Variants in SMARCC1 observed in about 807,000 individuals in gnomAD.
The protein encoded by SMARCC1 is SWI/SNF related BAF chromatin remodeling complex subunit C1.
A neutral mutation model predicts 147.4 loss-of-function variants in SMARCC1; 43 were observed. The ratio of observed to expected loss-of-function variants is 0.29; its 90% CI spans 0.23 to 0.38. The LOEUF is 0.38. Among genes scored for constraint, SMARCC1 ranks in the 10% least tolerant of loss-of-function variants. SMARCC1 has a pLI of 1.00. For synonymous variants in SMARCC1, 495 were observed against 484.4 expected (o/e 1.02, Z -0.29); for missense variants, 1,119 against 1,381.1 (o/e 0.81, Z 3.01).
chr3:47,602,518 G>C (rs920629271), intron 26 of SMARCC1, among the ~76,000 whole-genome samples: 1 of 151,950 alleles, frequency 6.6e-6, no homozygotes, highest in Non-Finnish European at 1.5e-5. Flanking sequence ...GGTTGGTCTC[G>C]AACTCCTGAG....
At chr3:47,780,823 G>A (rs2035037756) in intron 1 of SMARCC1, among the ~76,000 whole-genome samples, 1 of 150,680 alleles carries the variant, frequency 6.6e-6, no homozygotes, top group Non-Finnish European at 1.5e-5. Context: ...ACACAAAAGG[G>A]AAGTTGGAAA....
At chr3:47,601,520 G>A (rs767667825) in intron 26 of SMARCC1, among the ~76,000 whole-genome samples, 1 of 152,024 alleles carries the variant, frequency 6.6e-6, no homozygotes, top group Admixed American at 6.5e-5. Context: ...CAGCTTCCTG[G>A]GGATGCCTGT....
At chr3:47,691,203 A>G (rs1318146324) in intron 12 of SMARCC1, among the ~76,000 whole-genome samples, 2 of 152,142 alleles carry the variant, frequency 1.3e-5, no homozygotes, top group African/African-American at 2.4e-5. Flanking sequence ...TCCTCCTTTC[A>G]GATGTGAGAA....
chr3:47,658,031 G>A (rs1362601784), intron 21 of SMARCC1, among the ~76,000 whole-genome samples: 1 of 151,888 alleles, frequency 6.6e-6, no homozygotes, highest in Admixed American at 6.6e-5. Context: ...ATGACGATTA[G>A]AGTGGAGAGA....
At chr3:47,725,872 G>A in intron 6 of SMARCC1, among the ~76,000 whole-genome samples, 1 of 144,150 alleles carries the variant, frequency 6.9e-6, no homozygotes, top group Non-Finnish European at 1.5e-5. Flanking sequence ...GACGAGCCTG[G>A]CCAACATGGT....
At chr3:47,604,146 G>GT (rs1559623590) in intron 26 of SMARCC1, 3 of 456,706 alleles carry the variant, frequency 6.6e-6, no homozygotes, top group South Asian at 4.6e-5. Context: ...CTAGAAGTCC[G>GT]TAAGTGTTTA....
At chr3:47,589,536 T>C (rs1285610729) in intron 27 of SMARCC1, among the ~76,000 whole-genome samples, 3 of 152,164 alleles carry the variant, frequency 2.0e-5, no homozygotes, top group Non-Finnish European at 4.4e-5. Flanking sequence ...GAAAAAGAGG[T>C]ACCTACTGTA....
At chr3:47,608,825 G>A (rs1475972829) in intron 26 of SMARCC1, among the ~76,000 whole-genome samples, 1 of 119,980 alleles carries the variant, frequency 8.3e-6, no homozygotes, top group Non-Finnish European at 1.6e-5. Context: ...CTCCAGCCTA[G>A]ACAACAGAGC....
At chr3:47,655,892 A>G (rs2033254653) in intron 21 of SMARCC1, among the ~76,000 whole-genome samples, 1 of 152,116 alleles carries the variant, frequency 6.6e-6, no homozygotes, top group African/African-American at 2.4e-5. Flanking sequence ...CAATGTAAAA[A>G]ATGCTGGGAA....
At position 47,635,084 on chromosome 3, in the gene SMARCC1, C is replaced by T. The variant is rs147979897; in HGVS notation, c.2646+106G>A. On this transcript the variant is annotated intron_variant, in intron 24 of 27. Transcript: ENST00000254480. ...AGAAATGCCATTCAAGCAGTCATCT[C>T]CTATTGGGAGCAAAGCTCTTTATAC... is the stretch of plus-strand genomic sequence containing the variant. The T allele has an allele frequency of 3.1e-5, 29 of 949,428 alleles. No homozygotes were observed. In the African/African-American group the frequency reaches 4.4e-4, roughly 14 times the overall value. The allele number at this position is 949,428 out of a possible 1,614,324, so 58.8% of individuals were successfully genotyped here.
intron 1 of SMARCC1, among the ~76,000 whole-genome samples, chr3:47,774,200 A>G (rs1017226570): frequency 6.6e-6 from 1 of 151,488 alleles, no homozygotes; most frequent in Non-Finnish European, 1.5e-5. Flanking sequence ...ACTACCATTG[A>G]AACTTACTTA....
chr3:47,629,965 A>G (rs913067408), intron 24 of SMARCC1, among the ~76,000 whole-genome samples: 20 of 151,894 alleles, frequency 1.3e-4, no homozygotes, highest in Admixed American at 9.9e-4. Flanking sequence ...AGGTCTGGCA[A>G]CAGTGGTGAC....
intron 25 of SMARCC1, among the ~76,000 whole-genome samples, chr3:47,611,969 A>T (rs1384439218): frequency 1.3e-5 from 2 of 152,200 alleles, no homozygotes; most frequent in Admixed American, 1.3e-4. Flanking sequence ...GAAACAAAAC[A>T]TTTTGAGAGA....
intron 19 of SMARCC1, among the ~76,000 whole-genome samples, chr3:47,663,203 AGGGGAGGGG>A (rs1559638416): frequency 1.5e-3 from 26 of 17,324 alleles, no homozygotes; most frequent in Admixed American, 5.3e-3. Flanking sequence ...AGGGGTGGGG[AGGGGAGGGG>A]AGGAAGGAAG....
At chr3:47,619,873 T>G (rs1479863136) in intron 25 of SMARCC1, among the ~76,000 whole-genome samples, 2 of 152,146 alleles carry the variant, frequency 1.3e-5, no homozygotes, top group Non-Finnish European at 2.9e-5. Context: ...AAAATGGATA[T>G]GGGCTATGGT....
intron 19 of SMARCC1, among the ~76,000 whole-genome samples, chr3:47,669,471 T>C (rs922217890): frequency 6.6e-6 from 1 of 152,158 alleles, no homozygotes; most frequent in South Asian, 2.1e-4. Flanking sequence ...TTAATTAATA[T>C]TAAAATCTAG....
chr3:47,635,293 C>A lies in SMARCC1; in HGVS notation c.2543G>T (p.Arg848Ile), dbSNP rs1223650445. The A allele has an allele frequency of 2.5e-6, 4 of 1,612,954 alleles. No individual in the cohort carries two copies. In the East Asian group the frequency reaches 6.7e-5, roughly 27 times the overall value. ...TTTCTTCTTCCCAGTATCACTTTCTCTTTCTTTACATGTATCAGTGAGTTC... is the reference window on the plus strand; with the variant it reads ...TTTCTTCTTCCCAGTATCACTTTCTATTTCTTTACATGTATCAGTGAGTTC... ...NKELTDTCKE[R>I]ESDTGKKKVE... Residue 848 changes from arginine to isoleucine, a missense_variant, in exon 24 of 28, where the codon AGA (arginine) becomes ATA (isoleucine). By Grantham distance (97) the Arg-to-Ile change is moderately conservative. Transcript: ENST00000254480.
At chr3:47,610,030 C>G in intron 26 of SMARCC1, 36 bp downstream of exon 26, 1 of 1,608,466 alleles carries the variant, frequency 6.2e-7, no homozygotes, top group Non-Finnish European at 8.5e-7. Flanking sequence ...CTGTAGTGAC[C>G]ATAAGCTTTT....
At chr3:47,745,658 C>G (rs982289146) in intron 3 of SMARCC1, among the ~76,000 whole-genome samples, 11 of 152,128 alleles carry the variant, frequency 7.2e-5, no homozygotes, top group Non-Finnish European at 1.5e-4. Context: ...ATGCAGTGAC[C>G]TGAGATTCCA....
Sources: allele counts gnomAD v4.1 joint callset (sites outside exome capture counted in the v4.1 genomes callset), GRCh38; gene constraint gnomAD v4.1.1; transcripts MANE v1.5; gene names NCBI Gene and HGNC (gene_info 2026-07-23, HGNC 2026-07-21).